Variants in FAT3 observed in about 807,000 individuals in gnomAD.
FAT3 encodes the protein protocadherin Fat 3.
A neutral mutation model predicts 310.2 loss-of-function variants in FAT3; 95 were observed. The ratio of observed to expected loss-of-function variants is 0.31; its 90% CI spans 0.26 to 0.36. The LOEUF is 0.36. Among genes scored for constraint, FAT3 ranks in the 10% least tolerant of loss-of-function variants. The pLI is 1.00. For missense variants in FAT3, 5,408 were observed against 5,715.6 expected (o/e 0.95, Z 1.74); for synonymous variants, 2,314 against 2,192.9 (o/e 1.06, Z -1.54).
At chr11:92,802,097 C>G (rs1565609826) in intron 10 of FAT3, among the ~76,000 whole-genome samples, 188 bp downstream of exon 10, 1 of 152,054 alleles carries the variant, frequency 6.6e-6, no homozygotes, top group Non-Finnish European at 1.5e-5. Flanking sequence ...CTAACTCAGC[C>G]TTAGTTTGGA....
chr11:92,517,714 CATCT>C (rs2135335289), intron 2 of FAT3, among the ~76,000 whole-genome samples: 1 of 152,014 alleles, frequency 6.6e-6, no homozygotes, highest in African/African-American at 2.4e-5. Context: ...AACTTTTTGC[CATCT>C]ATCCATCTGA....
chr11:92,297,320 G>A (rs899193910), intron 1 of FAT3, among the ~76,000 whole-genome samples: 11 of 152,006 alleles, frequency 7.2e-5, no homozygotes, highest in Non-Finnish European at 1.6e-4. Flanking sequence ...GCTCCTTATG[G>A]GGAAGGCCTT....
intron 1 of FAT3, among the ~76,000 whole-genome samples, chr11:92,350,434 G>A (rs1423184784): frequency 6.6e-6 from 1 of 151,702 alleles, no homozygotes; most frequent in African/African-American, 2.4e-5. Context: ...GATATGCTGG[G>A]GGCAGGGATG....
chr11:92,250,473 A>C (rs1865094332), intron 1 of FAT3, among the ~76,000 whole-genome samples: 1 of 152,166 alleles, frequency 6.6e-6, no homozygotes, highest in South Asian at 2.1e-4. Context: ...ATAACAAGTC[A>C]GTCAACTTTG....
At chr11:92,555,935 A>G (rs920354691) in intron 3 of FAT3, among the ~76,000 whole-genome samples, 1 of 152,208 alleles carries the variant, frequency 6.6e-6, no homozygotes, top group African/African-American at 2.4e-5. Flanking sequence ...GTGACCAGGC[A>G]AGGTAAGCAT....
intron 1 of FAT3, among the ~76,000 whole-genome samples, chr11:92,314,909 A>G (rs1247287588): frequency 2.0e-5 from 3 of 152,128 alleles, no homozygotes; most frequent in Non-Finnish European, 2.9e-5. Context: ...GGAAGGTCAC[A>G]TGATCATGCT....
chr11:92,260,997 T>G (rs926945384), intron 1 of FAT3, among the ~76,000 whole-genome samples: 1 of 152,096 alleles, frequency 6.6e-6, no homozygotes, highest in African/African-American at 2.4e-5. Flanking sequence ...TATCTGTGGG[T>G]AGTGTGCTGA....
chr11:92,297,453 A>G lies in FAT3; in HGVS notation c.-17-54643A>G, dbSNP rs79479801. On this transcript the variant is annotated intron_variant, in intron 1 of 27. Transcript: ENST00000525166. ...GTCACAAGAAAGAAATCCATACAAT[A>G]AAGACTCATTATTATTCTGACCATC... Among the ~76,000 whole-genome samples the G allele has an allele frequency of 8.8e-3, 1,333 of 152,184 alleles. 10 individuals are homozygous for G. Among genetic ancestry groups the G allele is most frequent in the African/African-American group, 0.03 (1,253 of 41,532 alleles).
chr11:92,836,476 G>A, intron 15 of FAT3, 90 bp from the exon 16 acceptor site: 1 of 1,454,140 alleles, frequency 6.9e-7, no homozygotes, highest in Non-Finnish European at 9.3e-7. Flanking sequence ...TGTCACAGCT[G>A]CACCCATTTA....
Position 92,398,334 on chromosome 11 carries a change from C to G in FAT3, c.3292+42930C>G, listed in dbSNP as rs1227979660. On this transcript the variant is annotated intron_variant, in intron 2 of 27. Coordinates refer to ENST00000525166, the MANE Select transcript of FAT3 (RefSeq NM_001367949.2). Reference sequence around the variant, plus strand: ...TGGCCAACATGGCAAAACTCCGTCTCTACTAAAAGTACAAAAATTAGCCAG... The same window carrying G: ...TGGCCAACATGGCAAAACTCCGTCTGTACTAAAAGTACAAAAATTAGCCAG... 2.0e-5 allele frequency among the ~76,000 whole-genome samples: 3 copies of G among 151,994 alleles called. No homozygotes were observed. The East Asian group carries it at 5.8e-4, about 29-fold the overall frequency.
intron 3 of FAT3, among the ~76,000 whole-genome samples, chr11:92,563,691 G>A (rs1955316760): frequency 6.6e-6 from 1 of 151,840 alleles, no homozygotes; most frequent in South Asian, 2.1e-4. Flanking sequence ...CAGATCTCTC[G>A]GCAGAAACTC....
chr11:92,865,188 A>G (rs1949210413), intron 21 of FAT3, among the ~76,000 whole-genome samples: 1 of 152,224 alleles, frequency 6.6e-6, no homozygotes, highest in South Asian at 2.1e-4. Flanking sequence ...TTTATGCAGG[A>G]TGAAGAACAT....
chr11:92,759,107 G>A (rs1457692217), intron 4 of FAT3, among the ~76,000 whole-genome samples: 1 of 152,178 alleles, frequency 6.6e-6, no homozygotes, highest in Non-Finnish European at 1.5e-5. Context: ...CATGGGTAAG[G>A]AGATGGAGGA....
At chr11:92,265,632 T>G (rs1197283320) in intron 1 of FAT3, among the ~76,000 whole-genome samples, 4 of 151,992 alleles carry the variant, frequency 2.6e-5, no homozygotes, top group East Asian at 1.9e-4. Flanking sequence ...TAACAGAAAT[T>G]TATTTCTCAC....
chr11:92,325,977 C>G (rs2134513741), intron 1 of FAT3, among the ~76,000 whole-genome samples: 1 of 152,316 alleles, frequency 6.6e-6, no homozygotes, highest in East Asian at 1.9e-4. Flanking sequence ...TTATGCATTA[C>G]TAAGCCCTTT....
chr11:92,882,991 G>C lies in FAT3; in HGVS notation c.12535G>C (p.Val4179Leu), dbSNP rs887192014. Residue 4179 changes from valine (V) to leucine (L), a missense_variant, in exon 24 of 28, where the codon GTC becomes CTC. Val to Leu is a conservative substitution (Grantham distance 32). Coordinates refer to ENST00000525166, the MANE Select transcript of FAT3 (RefSeq NM_001367949.2). ...VVLFIVFRKK[V>L]FRKNYSRNNI... ...TCTCTTCATAGTCTTCCGCAAGAAG[G>C]TCTTCCGCAAGAACTACTCCCGCAA... 7 of 1,613,794 alleles carry C rather than the reference G, an allele frequency of 4.3e-6. No homozygotes were observed. In the African/African-American group the frequency reaches 9.3e-5, roughly 22 times the overall value.
intron 1 of FAT3, among the ~76,000 whole-genome samples, chr11:92,239,515 G>A (rs1864580817): frequency 6.6e-6 from 1 of 152,114 alleles, no homozygotes; most frequent in Non-Finnish European, 1.5e-5. Context: ...AAGTGGAAAA[G>A]TTAACCAGTG....
intron 24 of FAT3, among the ~76,000 whole-genome samples, chr11:92,885,799 C>T (rs1354670518): frequency 2.6e-5 from 4 of 152,140 alleles, no homozygotes; most frequent in African/African-American, 7.2e-5. Context: ...AGCTTGTGCA[C>T]ACCTTGTGGT....
At chr11:92,471,721 A>C (rs547383839) in intron 2 of FAT3, among the ~76,000 whole-genome samples, 1 of 152,028 alleles carries the variant, frequency 6.6e-6, no homozygotes, top group African/African-American at 2.4e-5. Flanking sequence ...TTATTCTAGC[A>C]TTCCTTCTAA....
Sources: gnomAD v4.1 joint callset for allele counts (sites outside exome capture counted in the v4.1 genomes callset) on GRCh38, gnomAD v4.1.1 for gene constraint, MANE v1.5 for transcripts, NCBI Gene and HGNC (gene_info 2026-07-23, HGNC 2026-07-21) for gene names.